Variants in TENM3 observed in about 807,000 individuals in gnomAD.
The protein encoded by TENM3 is teneurin transmembrane protein 3.
Under a neutral mutation model 255.1 loss-of-function variants are expected in TENM3, and 63 were observed. The ratio of observed to expected loss-of-function variants is 0.25; its 90% CI spans 0.20 to 0.30. TENM3 has a LOEUF of 0.30. TENM3 is among the 10% of genes least tolerant of loss of function. The probability of loss-of-function intolerance (pLI) is 1.00; values close to 1 mark genes in which losing one functional copy is unlikely to be tolerated. For synonymous variants in TENM3, 1,306 were observed against 1,322.3 expected, an observed-to-expected ratio of 0.99 and a Z score of 0.27; for missense variants, 2,929 against 3,461.1, an observed-to-expected ratio of 0.85 and a Z score of 3.86.
the TENM3 span, among the ~76,000 whole-genome samples, chr4:181,599,906 A>G: frequency 3.3e-5 from 5 of 152,138 alleles, no homozygotes; most frequent in African/African-American, 9.7e-5. Flanking sequence ...CCAGACCTAG[A>G]CAATTCGCAA....
intron 12 of TENM3, among the ~76,000 whole-genome samples, chr4:182,706,244 G>T (rs1176036838): frequency 1.3e-5 from 2 of 152,120 alleles, no homozygotes; most frequent in African/African-American, 4.8e-5. Context: ...CTTTGTCTTT[G>T]CCACTGCTAG....
the TENM3 span, among the ~76,000 whole-genome samples, chr4:182,121,250 G>A: frequency 6.6e-6 from 1 of 152,006 alleles, no homozygotes; most frequent in Non-Finnish European, 1.5e-5. Flanking sequence ...CGCCCAACTC[G>A]GCCTCCCAAA....
At chr4:181,616,072 A>G in the TENM3 span, among the ~76,000 whole-genome samples, 1 of 152,070 alleles carries the variant, frequency 6.6e-6, no homozygotes, top group Non-Finnish European at 1.5e-5. Flanking sequence ...TGGCAATTAA[A>G]TGTAAATAAC....
chr4:181,741,882 G>A, the TENM3 span, among the ~76,000 whole-genome samples: 1 of 152,128 alleles, frequency 6.6e-6, no homozygotes, highest in African/African-American at 2.4e-5. Context: ...TAGTTGATAC[G>A]TGAATGAACA....
chr4:182,650,025 A>T (rs892371406), intron 5 of TENM3, among the ~76,000 whole-genome samples: 2 of 150,536 alleles, frequency 1.3e-5, no homozygotes, highest in Non-Finnish European at 3.0e-5. Flanking sequence ...CTCTCAACTA[A>T]TCTCCACTTT....
the TENM3 span, among the ~76,000 whole-genome samples, chr4:181,689,135 G>A: frequency 4.6e-5 from 7 of 152,284 alleles, no homozygotes; most frequent in South Asian, 2.1e-4. Context: ...CGATGACGCC[G>A]CCCCACATGC....
chr4:182,285,708 A>G (rs1425767457), intron 1 of TENM3, among the ~76,000 whole-genome samples: 1 of 152,182 alleles, frequency 6.6e-6, no homozygotes, highest in Non-Finnish European at 1.5e-5. Flanking sequence ...TGGGAAGTCA[A>G]AGGCAAACGT....
the TENM3 span, among the ~76,000 whole-genome samples, chr4:181,721,080 T>G: frequency 6.6e-6 from 1 of 150,908 alleles, no homozygotes; most frequent in Middle Eastern, 3.4e-3. Context: ...TTATGACTGA[T>G]GAATAGCATT....
chr4:182,072,591 C>T, the TENM3 span, among the ~76,000 whole-genome samples: 5 of 152,202 alleles, frequency 3.3e-5, no homozygotes, highest in Non-Finnish European at 5.9e-5. Context: ...CCACTCTAGG[C>T]ATAATCAGAT....
chr4:182,371,411 C>T (rs1766802702), intron 3 of TENM3, among the ~76,000 whole-genome samples: 1 of 152,162 alleles, frequency 6.6e-6, no homozygotes, highest in Non-Finnish European at 1.5e-5. Flanking sequence ...TGTCTGCCCT[C>T]AAATATGTCT....
chr4:182,778,525 C>T (rs1371838168), intron 24 of TENM3, among the ~76,000 whole-genome samples: 1 of 152,130 alleles, frequency 6.6e-6, no homozygotes, highest in Non-Finnish European at 1.5e-5. Flanking sequence ...GTCTTGATAT[C>T]GCCACCCAGT....
the TENM3 span, chr4:181,523,046 C>T: frequency 1.3e-5 from 8 of 597,692 alleles, no homozygotes; most frequent in Middle Eastern, 3.2e-4. Context: ...AAATCGCAAA[C>T]GGACTCAGAT....
the TENM3 span, among the ~76,000 whole-genome samples, chr4:182,047,756 G>A: frequency 1.3e-5 from 2 of 151,890 alleles, no homozygotes; most frequent in Admixed American, 6.6e-5. Context: ...TAAGTGCATC[G>A]TACCCCATTC....
the TENM3 span, among the ~76,000 whole-genome samples, chr4:181,581,733 T>TC: frequency 6.6e-6 from 1 of 151,730 alleles, no homozygotes; most frequent in Non-Finnish European, 1.5e-5. Context: ...CTTTACTTTT[T>TC]TTTTTTTTTT....
chr4:181,809,767 G>A, the TENM3 span, among the ~76,000 whole-genome samples: 2 of 151,952 alleles, frequency 1.3e-5, no homozygotes, highest in Non-Finnish European at 2.9e-5. Flanking sequence ...GTAATCACAA[G>A]GGTCCTTATA....
chr4:182,701,210 C>CTTTTTTTTTGTTTT, intron 12 of TENM3, among the ~76,000 whole-genome samples: 1 of 38,644 alleles, frequency 2.6e-5, no homozygotes, highest in Non-Finnish European at 4.3e-5. Context: ...CAACTCTTGA[C>CTTTTTTTTTGTTTT]TTTTTTTTTT....
chr4:182,442,801 T>A (rs1471621089), intron 3 of TENM3, among the ~76,000 whole-genome samples: 1 of 151,158 alleles, frequency 6.6e-6, no homozygotes, highest in East Asian at 2.0e-4. Context: ...TGTGTGTGTG[T>A]GTGTATATAC....
intron 5 of TENM3, among the ~76,000 whole-genome samples, chr4:182,647,619 C>A (rs544228105): frequency 2.0e-5 from 3 of 152,336 alleles, no homozygotes; most frequent in African/African-American, 7.2e-5. Context: ...TTTATCCATT[C>A]ATCCATTGAT....
chr4:181,833,766 G>C, the TENM3 span, among the ~76,000 whole-genome samples: 2 of 151,582 alleles, frequency 1.3e-5, no homozygotes, highest in Non-Finnish European at 2.9e-5. Context: ...TTAACAACTT[G>C]CACTGACCCG....
Sources: allele counts gnomAD v4.1 joint callset (sites outside exome capture counted in the v4.1 genomes callset), GRCh38; gene constraint gnomAD v4.1.1; transcripts MANE v1.5; gene names NCBI Gene and HGNC (gene_info 2026-07-23, HGNC 2026-07-21).